The following ZNF385D variants were observed in gnomAD, a reference collection of about 807,000 sequenced individuals.
ZNF385D encodes the protein zinc finger protein 385D, also known as zinc finger protein 659.
In ZNF385D, 15 loss-of-function variants were observed where a neutral mutation model predicts 35.8. The observed-to-expected ratio is 0.42, with a 90% CI of 0.28 to 0.64. The LOEUF (loss-of-function observed/expected upper bound fraction) is 0.64, where lower values mean the gene tolerates loss of function less well. ZNF385D is among the 30% of genes least tolerant of loss of function. The pLI, the probability that ZNF385D is intolerant of heterozygous loss-of-function variation, is 0.23. For synonymous variants in ZNF385D, 212 were observed against 186.8 expected, an observed-to-expected ratio of 1.13 and a Z score of -1.10; for missense variants, 474 against 494.6, an observed-to-expected ratio of 0.96 and a Z score of 0.39.
chr3:22,020,235 A>G (rs1356701317), intron 3 of ZNF385D, among the ~76,000 whole-genome samples: 1 of 151,962 alleles, frequency 6.6e-6, no homozygotes. Flanking sequence ...AGTTATAAAC[A>G]TAACAAGAAT....
chr3:21,774,937 A>G (rs1229009868), intron 3 of ZNF385D, among the ~76,000 whole-genome samples: 1 of 151,942 alleles, frequency 6.6e-6, no homozygotes, highest in Non-Finnish European at 1.5e-5. Context: ...TATGCTGGTA[A>G]AAACCAACTG....
intron 3 of ZNF385D, among the ~76,000 whole-genome samples, chr3:21,969,070 A>G (rs1243049979): frequency 6.6e-6 from 1 of 151,940 alleles, no homozygotes; most frequent in Non-Finnish European, 1.5e-5. Flanking sequence ...CATTAATAAC[A>G]GCCAGCAGTA....
At chr3:22,180,883 C>T (rs1346598606) in intron 2 of ZNF385D, among the ~76,000 whole-genome samples, 3 of 135,034 alleles carry the variant, frequency 2.2e-5, no homozygotes, top group African/African-American at 9.8e-5. Flanking sequence ...AAGATTTCGG[C>T]TTGTAAATCC....
intron 3 of ZNF385D, among the ~76,000 whole-genome samples, chr3:21,931,422 C>G (rs12629131): frequency 0.42 from 63,900 of 151,924 alleles, 14,221 homozygotes; most frequent in Non-Finnish European, 0.51. Context: ...TTACAGATGA[C>G]CCAGCAGTTA....
At chr3:21,819,662 T>C (rs1450670220) in intron 3 of ZNF385D, among the ~76,000 whole-genome samples, 2 of 146,862 alleles carry the variant, frequency 1.4e-5, no homozygotes, top group Non-Finnish European at 3.0e-5. Flanking sequence ...TATTTATGTG[T>C]ATTAATTATA....
At chr3:22,060,513 T>A (rs1245905767) in intron 3 of ZNF385D, among the ~76,000 whole-genome samples, 2 of 152,200 alleles carry the variant, frequency 1.3e-5, no homozygotes, top group African/African-American at 4.8e-5. Context: ...ACTTTGTCAA[T>A]AAGTTTTCAT....
chr3:21,964,284 G>T, intron 3 of ZNF385D, among the ~76,000 whole-genome samples: 1 of 151,012 alleles, frequency 6.6e-6, no homozygotes, highest in South Asian at 2.1e-4. Context: ...ATCATTGTAT[G>T]TGTGAAAAAC....
intron 3 of ZNF385D, among the ~76,000 whole-genome samples, chr3:22,094,079 G>T (rs778861132): frequency 6.6e-6 from 1 of 151,888 alleles, no homozygotes; most frequent in Non-Finnish European, 1.5e-5. Flanking sequence ...TTAATAAAAG[G>T]CTATTGCTGT....
chr3:21,681,176 G>A (rs896620736), intron 1 of ZNF385D, among the ~76,000 whole-genome samples: 8 of 150,034 alleles, frequency 5.3e-5, no homozygotes, highest in Non-Finnish European at 1.2e-4. Context: ...ACTGTTGAAA[G>A]ACATCTAAGT....
intron 3 of ZNF385D, among the ~76,000 whole-genome samples, chr3:22,030,299 A>ATATATATATC (rs1553591392): frequency 8.7e-6 from 1 of 114,742 alleles, no homozygotes; most frequent in African/African-American, 3.3e-5. Flanking sequence ...ATATATATAT[A>ATATATATATC]TATCCTATTT....
intron 2 of ZNF385D, among the ~76,000 whole-genome samples, chr3:22,313,130 T>C (rs1296246096): frequency 6.6e-6 from 1 of 151,974 alleles, no homozygotes; most frequent in East Asian, 1.9e-4. Flanking sequence ...ACCATCATTC[T>C]CAGCAAACTA....
chr3:21,888,262 C>T (rs1698654679), intron 3 of ZNF385D, among the ~76,000 whole-genome samples: 1 of 151,960 alleles, frequency 6.6e-6, no homozygotes. Context: ...TATGGACTTT[C>T]AGATTTGCAA....
chr3:22,307,210 G>C (rs1386833261), intron 2 of ZNF385D, among the ~76,000 whole-genome samples: 1 of 152,092 alleles, frequency 6.6e-6, no homozygotes, highest in Non-Finnish European at 1.5e-5. Context: ...GGGGTGGGGA[G>C]GTGGGAAGTG....
chr3:22,298,328 C>T (rs1451270262), intron 2 of ZNF385D, among the ~76,000 whole-genome samples: 2 of 147,136 alleles, frequency 1.4e-5, no homozygotes, highest in African/African-American at 5.0e-5. Context: ...GGGAGGTTGA[C>T]TGAGACTTTA....
chr3:22,209,090 G>T (rs1413168123), intron 2 of ZNF385D, among the ~76,000 whole-genome samples: 1 of 151,832 alleles, frequency 6.6e-6, no homozygotes, highest in Non-Finnish European at 1.5e-5. Context: ...AGGCCATAAA[G>T]GCATTCTGCT....
intron 3 of ZNF385D, among the ~76,000 whole-genome samples, chr3:21,993,857 G>GA (rs1695300716): frequency 6.6e-6 from 1 of 152,112 alleles, no homozygotes; most frequent in East Asian, 1.9e-4. Flanking sequence ...TACCACAGCT[G>GA]AAAAATGAGT....
At chr3:21,889,906 T>C (rs1271648058) in intron 3 of ZNF385D, among the ~76,000 whole-genome samples, 2 of 152,128 alleles carry the variant, frequency 1.3e-5, no homozygotes, top group South Asian at 4.1e-4. Flanking sequence ...CTTTGGCTTG[T>C]GTCAGTAAGT....
At chr3:21,663,921 A>C (rs1170312327) in intron 2 of ZNF385D, among the ~76,000 whole-genome samples, 1 of 134,532 alleles carries the variant, frequency 7.4e-6, no homozygotes, top group South Asian at 2.3e-4. Context: ...ATATATATTT[A>C]TTTATTTAAA....
At chr3:22,154,125 G>A (rs76650761) in intron 3 of ZNF385D, among the ~76,000 whole-genome samples, 1,733 of 152,176 alleles carry the variant, frequency 0.011, 15 homozygotes, top group South Asian at 0.022. Context: ...TCTGGTCCTC[G>A]GGAATATACT....
Sources: allele counts gnomAD v4.1 joint callset (sites outside exome capture counted in the v4.1 genomes callset), GRCh38; gene constraint gnomAD v4.1.1; transcripts MANE v1.5; gene names NCBI Gene and HGNC (gene_info 2026-07-23, HGNC 2026-07-21).